The following OCLN variants were observed in gnomAD, a reference collection of about 807,000 sequenced individuals.
OCLN encodes the protein phosphatase 1, regulatory subunit 115.
In OCLN, 21 loss-of-function variants were observed where a neutral mutation model predicts 47.9. The ratio of observed to expected loss-of-function variants is 0.44; its 90% CI spans 0.31 to 0.63. The LOEUF (loss-of-function observed/expected upper bound fraction) is 0.63. Ranked by LOEUF, OCLN falls within the 30% of genes least tolerant of loss-of-function variation. The pLI is 0.08. For synonymous variants in OCLN, 117 were observed against 198.4 expected (o/e 0.59, Z 3.45); for missense variants, 360 against 571.0 (o/e 0.63, Z 3.77).
intron 7 of OCLN, among the ~76,000 whole-genome samples, chr5:69,549,331 A>C (rs1580596167): frequency 1.4e-5 from 1 of 72,322 alleles, no homozygotes. Flanking sequence ...ACAGAGTGAG[A>C]CTCCATCTCA....
intron 7 of OCLN, among the ~76,000 whole-genome samples, chr5:69,549,203 T>G (rs1769790863): frequency 8.0e-6 from 1 of 125,334 alleles, no homozygotes; most frequent in African/African-American, 3.0e-5. Context: ...TAGCCAGGTA[T>G]GGTGGCGGGT....
chr5:69,508,323 T>A (rs1384502010), intron 2 of OCLN, among the ~76,000 whole-genome samples: 2 of 151,952 alleles, frequency 1.3e-5, no homozygotes, highest in African/African-American at 4.8e-5. Context: ...TTTAACAGCG[T>A]ATCTCAGTTT....
At chr5:69,532,972 A>AT (rs1474089839) in intron 4 of OCLN, among the ~76,000 whole-genome samples, 2 of 105,994 alleles carry the variant, frequency 1.9e-5, no homozygotes, top group Non-Finnish European at 2.0e-5. Flanking sequence ...TGTCTCAAAA[A>AT]AAATATATAT....
intron 3 of OCLN, among the ~76,000 whole-genome samples, chr5:69,512,307 G>C (rs747154357): frequency 1.3e-5 from 2 of 152,166 alleles, no homozygotes; most frequent in Non-Finnish European, 2.9e-5. Context: ...GTTACTTGTT[G>C]AAAGGACTGT....
In OCLN at chr5:69,526,452, A is replaced by G. The variant is rs1012012135; in HGVS notation, c.892-8242A>G. On this transcript the variant is annotated intron_variant, in intron 4 of 8. Transcript: ENST00000396442. The stretch of plus-strand genomic sequence containing the variant: ...AAAAACTCTGGCATGAGGTACAGGT[A>G]TATTTAACAGTCTTCACAGGGATTT... Among the ~76,000 whole-genome samples, 5 of 146,932 alleles carry G rather than the reference A, an allele frequency of 3.4e-5. No homozygotes were observed. The East Asian group carries it at 1.0e-3, about 30-fold the overall frequency.
chr5:69,531,540 C>G (rs1003116866), intron 4 of OCLN, among the ~76,000 whole-genome samples: 2 of 152,194 alleles, frequency 1.3e-5, no homozygotes, highest in South Asian at 2.1e-4. Context: ...TTTGGTGAAG[C>G]ATTTGCCTGT....
chr5:69,517,562 C>T (rs1016952493), intron 4 of OCLN, among the ~76,000 whole-genome samples: 3 of 152,044 alleles, frequency 2.0e-5, no homozygotes, highest in African/African-American at 7.3e-5. Flanking sequence ...ATCTGCCTGC[C>T]TTGGCCTCCC....
chr5:69,518,298 T>G (rs2112011647), intron 4 of OCLN, among the ~76,000 whole-genome samples: 1 of 152,320 alleles, frequency 6.6e-6, no homozygotes, highest in East Asian at 1.9e-4. Flanking sequence ...TCATTGTATG[T>G]AAAAGAATTG....
At position 69,523,280 on chromosome 5, in the gene OCLN, CT is replaced by C. The variant is rs1380971504; in HGVS notation, c.891+9177del. 5.3e-5 allele frequency among the ~76,000 whole-genome samples: 8 copies of C among 152,018 alleles called. No individual in the cohort carries two copies. In the East Asian group the frequency reaches 1.5e-3, roughly 29 times the overall value. Reference sequence around the variant, plus strand: ...AAGTTGAGTCTTTTGATTATTCTTCCTTTTTTGAACACATTTTGGCCAGCAT... The same window carrying C: ...AAGTTGAGTCTTTTGATTATTCTTCCTTTTTGAACACATTTTGGCCAGCAT... On this transcript the variant is annotated intron_variant, in intron 4 of 8. Coordinates refer to ENST00000396442, the MANE Select transcript of OCLN (RefSeq NM_001205254.2).
intron 4 of OCLN, among the ~76,000 whole-genome samples, chr5:69,530,192 C>T (rs905667598): frequency 2.0e-5 from 3 of 152,146 alleles, no homozygotes; most frequent in Admixed American, 6.6e-5. Flanking sequence ...AAAAATCTTA[C>T]TGTGAAAATT....
chr5:69,514,844 G>A (rs1280477831), intron 4 of OCLN, among the ~76,000 whole-genome samples: 5 of 152,188 alleles, frequency 3.3e-5, no homozygotes, highest in East Asian at 1.9e-4. Flanking sequence ...GTTGGGGGTA[G>A]GGTCACCGAT....
chr5:69,554,401 C>T lies in OCLN; in HGVS notation c.*730C>T, dbSNP rs943218525. The T allele has an allele frequency of 6.6e-6, 1 of 151,954 alleles. No homozygotes were observed. Among genetic ancestry groups the T allele is most frequent in the East Asian group, 1.9e-4 (1 of 5,192 alleles). The allele number at this position is 151,954 out of a possible 1,614,324, so 9.4% of individuals were successfully genotyped here. A position where few individuals can be genotyped will look rare whatever the true frequency, so the allele number is the denominator to read the frequency against. On this transcript the variant is annotated 3_prime_UTR_variant, in exon 9 of 9. Transcript: ENST00000396442. Reference sequence around the variant, plus strand: ...TTAGAATTTTGTGTGTTTTTAAATACTTTTTATCTTTTTGCATGCCTTTTT... The same window carrying T: ...TTAGAATTTTGTGTGTTTTTAAATATTTTTTATCTTTTTGCATGCCTTTTT...
At chr5:69,536,099 A>G (rs1202525363) in intron 5 of OCLN, among the ~76,000 whole-genome samples, 4 of 152,266 alleles carry the variant, frequency 2.6e-5, no homozygotes, top group East Asian at 1.9e-4. Flanking sequence ...CCTGGGCAAC[A>G]AGAGCGAAGC....
At chr5:69,510,394 A>G (rs1324832910) in intron 3 of OCLN, among the ~76,000 whole-genome samples, 4 of 152,178 alleles carry the variant, frequency 2.6e-5, no homozygotes, top group Non-Finnish European at 4.4e-5. Flanking sequence ...ATTAAGAATC[A>G]TGCTAGACTG....
chr5:69,516,282 G>A (rs1377005468), intron 4 of OCLN, among the ~76,000 whole-genome samples: 2 of 152,270 alleles, frequency 1.3e-5, no homozygotes, highest in Admixed American at 1.3e-4. Context: ...ATCAGTCGCA[G>A]TTCGGAGCTG....
chr5:69,526,085 C>T (rs774484153), intron 4 of OCLN, among the ~76,000 whole-genome samples: 4 of 152,106 alleles, frequency 2.6e-5, no homozygotes, highest in Non-Finnish European at 5.9e-5. Context: ...ATTGTGTCTA[C>T]GTCAGTAGTT....
At chr5:69,507,679 T>A (rs1478883388) in intron 2 of OCLN, among the ~76,000 whole-genome samples, 1 of 151,680 alleles carries the variant, frequency 6.6e-6, no homozygotes, top group Non-Finnish European at 1.5e-5. Flanking sequence ...GGTCTCGGCT[T>A]ACTGCAACCT....
At chr5:69,503,514 G>A (rs1344000357) in intron 1 of OCLN, among the ~76,000 whole-genome samples, 1 of 152,136 alleles carries the variant, frequency 6.6e-6, no homozygotes, top group Non-Finnish European at 1.5e-5. Context: ...GGACCCCAGC[G>A]CTGGCTGTCA....
At chr5:69,536,692 G>A (rs1769596276) in intron 5 of OCLN, among the ~76,000 whole-genome samples, 1 of 151,488 alleles carries the variant, frequency 6.6e-6, no homozygotes, top group Non-Finnish European at 1.5e-5. Context: ...CAAAAGGCCG[G>A]ACGCGGTGGC....
Sources: gnomAD v4.1 joint callset for allele counts (sites outside exome capture counted in the v4.1 genomes callset) on GRCh38, gnomAD v4.1.1 for gene constraint, MANE v1.5 for transcripts, NCBI Gene and HGNC (gene_info 2026-07-23, HGNC 2026-07-21) for gene names.